The following CACHD1 variants were observed in gnomAD, a reference collection of about 807,000 sequenced individuals.
CACHD1 encodes VWFA and cache domain-containing protein 1.
CACHD1 carries 71 observed loss-of-function variants against 138.7 expected under a neutral mutation model. That is an observed-to-expected ratio of 0.51 (90% CI 0.42 to 0.62). CACHD1 has a LOEUF of 0.62. CACHD1 is among the 20% of genes least tolerant of loss of function. The pLI is 0.00. For synonymous variants in CACHD1, 578 were observed against 591.5 expected (o/e 0.98, Z 0.33); for missense variants, 1,389 against 1,625.3 (o/e 0.85, Z 2.50).
chr1:64,523,512 C>T (rs1184872016), intron 1 of CACHD1, among the ~76,000 whole-genome samples: 2 of 152,080 alleles, frequency 1.3e-5, no homozygotes, highest in African/African-American at 4.8e-5. Context: ...TTTTGACAGA[C>T]CTGTGAACAA....
chr1:64,568,259 T>TG (rs1434175887), intron 2 of CACHD1, among the ~76,000 whole-genome samples: 1 of 152,182 alleles, frequency 6.6e-6, no homozygotes, highest in Non-Finnish European at 1.5e-5. Flanking sequence ...GACCAGTTTG[T>TG]GGGATGAAAG....
Position 64,643,711 on chromosome 1 carries a change from A to G in CACHD1, c.1156+1742A>G, listed in dbSNP as rs138830276. 5.4e-3 allele frequency among the ~76,000 whole-genome samples: 826 copies of G among 152,160 alleles called. 5 individuals are homozygous for G. The highest frequency in any genetic ancestry group is 0.039 in the East Asian group (199 of 5,152). On this transcript the variant is annotated intron_variant, in intron 8 of 26. Coordinates refer to ENST00000651257, the MANE Select transcript of CACHD1 (RefSeq NM_020925.4). ...AAATTAGCCAGGCGTGGTGGCGGGC[A>G]CCTGTAGTCCCAGCTACTCGGGAAG...
chr1:64,673,630 T>C (rs1370843299), intron 19 of CACHD1, among the ~76,000 whole-genome samples, 166 bp downstream of exon 19: 1 of 152,194 alleles, frequency 6.6e-6, no homozygotes, highest in Non-Finnish European at 1.5e-5. Context: ...AGTTTGACAA[T>C]TGGGAGATAT....
intron 7 of CACHD1, among the ~76,000 whole-genome samples, chr1:64,639,995 A>T (rs60452489): frequency 0.046 from 6,975 of 152,276 alleles, 558 homozygotes; most frequent in African/African-American, 0.16. Flanking sequence ...CAGGATCTTC[A>T]GTTCCAGGGG....
At chr1:64,684,682 T>G (rs1302681349) in intron 26 of CACHD1, among the ~76,000 whole-genome samples, 1 of 152,220 alleles carries the variant, frequency 6.6e-6, no homozygotes, top group Non-Finnish European at 1.5e-5. Flanking sequence ...TACAGTAGTG[T>G]ACACTGATGT....
intron 1 of CACHD1, among the ~76,000 whole-genome samples, chr1:64,471,843 C>T (rs1646147242): frequency 1.3e-5 from 2 of 152,074 alleles, no homozygotes; most frequent in Admixed American, 6.5e-5. Flanking sequence ...TGATGTTACT[C>T]ACGACCAACA....
At chr1:64,591,533 C>G (rs757896226) in intron 3 of CACHD1, among the ~76,000 whole-genome samples, 10 of 152,182 alleles carry the variant, frequency 6.6e-5, no homozygotes, top group Non-Finnish European at 1.2e-4. Context: ...GTCTATCTTT[C>G]TCTTGCTTCT....
rs780302593 is a variant in CACHD1, at chr1:64,673,143, C to T, written c.2511-15C>T. Reference sequence around the variant, plus strand: ...CAGCTGATATGAATGAGGGGCATAACTTGTTTTGGTACAGGTGCTTCATAA... The same window carrying T: ...CAGCTGATATGAATGAGGGGCATAATTTGTTTTGGTACAGGTGCTTCATAA... On this transcript the variant is annotated splice_polypyrimidine_tract_variant and intron_variant, in intron 17 of 26. Transcript: ENST00000651257. 1.5e-5 allele frequency: 24 copies of T among 1,590,956 alleles called. No individual in the cohort carries two copies. Among genetic ancestry groups the T allele is most frequent in the Non-Finnish European group, 1.8e-5 (21 of 1,163,150 alleles).
intron 9 of CACHD1, among the ~76,000 whole-genome samples, chr1:64,651,151 A>AT (rs1557539796): frequency 1.3e-5 from 2 of 151,904 alleles, no homozygotes; most frequent in African/African-American, 4.8e-5. Flanking sequence ...TGAAAAGGTT[A>AT]TTTTTTATAA....
At chr1:64,639,202 G>A (rs920055282) in intron 7 of CACHD1, among the ~76,000 whole-genome samples, 2 of 152,122 alleles carry the variant, frequency 1.3e-5, no homozygotes, top group African/African-American at 4.8e-5. Flanking sequence ...ATGAGGAGAT[G>A]GTTTGTGTCA....
intron 2 of CACHD1, among the ~76,000 whole-genome samples, chr1:64,564,352 T>C (rs1646864738): frequency 6.6e-6 from 1 of 152,114 alleles, no homozygotes; most frequent in Non-Finnish European, 1.5e-5. Flanking sequence ...CGTGCATTTC[T>C]TCCCCTCACC....
chr1:64,662,346 C>T (rs148843576), intron 13 of CACHD1, among the ~76,000 whole-genome samples: 14 of 152,262 alleles, frequency 9.2e-5, no homozygotes, highest in Non-Finnish European at 2.1e-4. Flanking sequence ...TAGTTGAAGT[C>T]ATGCAGTGCT....
intron 15 of CACHD1, among the ~76,000 whole-genome samples, chr1:64,665,709 G>A (rs763430761): frequency 6.6e-6 from 1 of 152,028 alleles, no homozygotes; most frequent in Non-Finnish European, 1.5e-5. Context: ...CAGAGTAGAG[G>A]TGCATACTTA....
Position 64,634,244 on chromosome 1 carries a change from C to T in CACHD1, c.990C>T (p.Asn330=). Residue 330 remains asparagine (N), a synonymous_variant, in exon 7 of 27, where the codon AAC becomes AAT. Coordinates refer to ENST00000651257, the MANE Select transcript of CACHD1 (RefSeq NM_020925.4). ...AGCTGATTCGAAGTACAAACAATAA[C>T]ACAAAGTTCCAAGCAAGTGAGTGCG... ...AFQLIRSTNN[N]TKFQANTDMV... is the part of the protein sequence containing the mutation. 3.7e-6 allele frequency: 6 copies of T among 1,613,854 alleles called. No individual in the cohort carries two copies. The highest frequency in any genetic ancestry group is 1.1e-5 in the South Asian group (1 of 91,068).
At position 64,641,896 on chromosome 1, in the gene CACHD1, T is replaced by C; in HGVS notation, c.1083T>C (p.Thr361=). ...CTTCGGAAGAAGATAAAAAAGCGAC[T>C]CTCCAAGTCATCAATGAAGAAAATA... ...KDSSEEDKKA[T]LQVINEENSF... Residue 361 remains threonine, a synonymous_variant, in exon 8 of 27, where the codon ACT becomes ACC. Transcript: ENST00000651257. 1 of 1,606,756 alleles carries C rather than the reference T, an allele frequency of 6.2e-7. No homozygotes were observed. The highest frequency in any genetic ancestry group is 8.5e-7 in the Non-Finnish European group (1 of 1,177,172).
chr1:64,612,322 A>G (rs1034392939), intron 4 of CACHD1, among the ~76,000 whole-genome samples: 2 of 152,204 alleles, frequency 1.3e-5, no homozygotes, highest in Non-Finnish European at 2.9e-5. Flanking sequence ...GTATGCATTT[A>G]CCTTTTCTAT....
chr1:64,579,267 A>C (rs1646993110), intron 2 of CACHD1, among the ~76,000 whole-genome samples: 2 of 152,212 alleles, frequency 1.3e-5, no homozygotes, highest in Admixed American at 6.5e-5. Context: ...CTCATGGCCT[A>C]TGTAGAAAGA....
At chr1:64,523,144 T>G (rs1355275198) in intron 1 of CACHD1, among the ~76,000 whole-genome samples, 1 of 152,248 alleles carries the variant, frequency 6.6e-6, no homozygotes, top group Non-Finnish European at 1.5e-5. Flanking sequence ...TTACTTTTAT[T>G]TTACAAAGAG....
intron 3 of CACHD1, 27 bp from the exon 4 acceptor site, chr1:64,602,779 A>T: frequency 6.7e-7 from 1 of 1,493,172 alleles, no homozygotes; most frequent in African/African-American, 1.4e-5. Context: ...CTGAATAAGT[A>T]TTGCTAATTC....
Sources: gnomAD v4.1 joint callset for allele counts (sites outside exome capture counted in the v4.1 genomes callset) on GRCh38, gnomAD v4.1.1 for gene constraint, MANE v1.5 for transcripts, NCBI Gene and HGNC (gene_info 2026-07-23, HGNC 2026-07-21) for gene names.